Variants in SLC41A3 observed in about 807,000 individuals in gnomAD.
The protein encoded by SLC41A3 is SLC41A1-like 2.
In SLC41A3, 44 loss-of-function variants were observed where a neutral mutation model predicts 45.4. That is an observed-to-expected ratio of 0.97 (90% CI 0.76 to 1.25). The LOEUF (loss-of-function observed/expected upper bound fraction) is 1.25. Among genes scored for constraint, SLC41A3 ranks in the 50% most tolerant of loss-of-function variants. SLC41A3 has a pLI of 0.00. For missense variants in SLC41A3, 550 were observed against 600.6 expected, an observed-to-expected ratio of 0.92 and a Z score of 0.88; for synonymous variants, 256 against 252.4, an observed-to-expected ratio of 1.01 and a Z score of -0.13.
At chr3:126,085,099 A>G (rs1437213359), upstream of SLC41A3, among the ~76,000 whole-genome samples, 1 of 152,184 alleles carries the variant, frequency 6.6e-6, no homozygotes, top group Non-Finnish European at 1.5e-5. Context: ...AACTCAACCA[A>G]TTGTCAACCA....
At chr3:126,066,879 G>C (rs527508358) in intron 2 of SLC41A3, among the ~76,000 whole-genome samples, 86 of 152,276 alleles carry the variant, frequency 5.6e-4, no homozygotes, top group Middle Eastern at 3.4e-3. Flanking sequence ...CTCTCTGGTG[G>C]AGGGCAACCA....
At chr3:126,023,002 C>G in intron 5 of SLC41A3, 70 bp from the exon 6 acceptor site, 1 of 1,593,614 alleles carries the variant, frequency 6.3e-7, no homozygotes, top group Non-Finnish European at 8.6e-7. Context: ...GCAGGCACAG[C>G]AGCACAGGGA....
intron 4 of SLC41A3, 124 bp downstream of exon 4, chr3:126,033,483 G>GCT: frequency 9.8e-7 from 1 of 1,017,142 alleles, no homozygotes; most frequent in Non-Finnish European, 1.5e-6. Context: ...GGGACAGGTA[G>GCT]CTACCTGTTC....
At chr3:126,056,490 G>A (rs1470819420) in intron 2 of SLC41A3, 1 of 1,614,208 alleles carries the variant, frequency 6.2e-7, no homozygotes, top group African/African-American at 1.3e-5. Context: ...TAAGCTCACA[G>A]CTGAAGCCTC....
intron 1 of SLC41A3, among the ~76,000 whole-genome samples, chr3:126,079,769 T>C (rs1945061301): frequency 6.6e-6 from 1 of 152,148 alleles, no homozygotes; most frequent in Non-Finnish European, 1.5e-5. Flanking sequence ...AGACCCCAAA[T>C]AGCCAAAGCA....
At chr3:126,085,865 G>A (rs2108121262), upstream of SLC41A3, among the ~76,000 whole-genome samples, 1 of 152,212 alleles carries the variant, frequency 6.6e-6, no homozygotes, top group Middle Eastern at 3.4e-3. Context: ...GCCCTATGGG[G>A]AAATCCCCAA....
At chr3:126,058,650 T>G (rs148127964) in intron 2 of SLC41A3, among the ~76,000 whole-genome samples, 1 of 152,352 alleles carries the variant, frequency 6.6e-6, no homozygotes, top group Non-Finnish European at 1.5e-5. Flanking sequence ...CTGTGTGCTC[T>G]TCACAGGCAC....
rs750778512 is a variant in SLC41A3 at position 126,006,493 on chromosome 3, G to A, written c.*523C>T. On this transcript the variant is annotated 3_prime_UTR_variant, in exon 11 of 11. Coordinates refer to ENST00000360370, the MANE Select transcript of SLC41A3 (RefSeq NM_017836.4). ...AAATGTTGAGTGCAGATGAAGGGTT[G>A]TATGAGGCCCCATCCTGGGGAGGCT... 6.2e-6 allele frequency: 10 copies of A among 1,614,052 alleles called. No individual in the cohort carries two copies. In the South Asian group the frequency reaches 9.9e-5, roughly 16 times the overall value.
intron 2 of SLC41A3, chr3:126,056,493 G>A (rs754493427): frequency 6.2e-7 from 1 of 1,614,188 alleles, no homozygotes. Context: ...GCTCACAGCT[G>A]AAGCCTCGCA....
At chr3:126,030,255 CAT>C (rs1210890692) in intron 4 of SLC41A3, among the ~76,000 whole-genome samples, 2 of 143,670 alleles carry the variant, frequency 1.4e-5, no homozygotes, top group South Asian at 2.1e-4. Flanking sequence ...AACTTTATAA[CAT>C]ATAATATATA....
At chr3:126,097,533 G>A (rs1277771948) in intron 1 of SLC41A3, among the ~76,000 whole-genome samples, 1 of 152,090 alleles carries the variant, frequency 6.6e-6, no homozygotes, top group African/African-American at 2.4e-5. Flanking sequence ...CAATTGGTTG[G>A]GAGACTTATA....
upstream of SLC41A3, among the ~76,000 whole-genome samples, chr3:126,088,486 T>C (rs534300124): frequency 6.6e-6 from 1 of 152,326 alleles, no homozygotes; most frequent in African/African-American, 2.4e-5. Flanking sequence ...GCATAAAATA[T>C]GTTTTTGGTG....
chr3:126,095,510 C>A (rs1193446773), intron 1 of SLC41A3, among the ~76,000 whole-genome samples: 1 of 152,210 alleles, frequency 6.6e-6, no homozygotes, highest in African/African-American at 2.4e-5. Flanking sequence ...AGGGCTGACA[C>A]AGAGAACAAT....
chr3:126,010,701 C>A (rs1425843267), intron 9 of SLC41A3, among the ~76,000 whole-genome samples: 1 of 152,242 alleles, frequency 6.6e-6, no homozygotes, highest in Non-Finnish European at 1.5e-5. Flanking sequence ...CTACCCAGTG[C>A]TAATGGGGCC....
chr3:126,043,530 A>G (rs1942730057), intron 3 of SLC41A3, among the ~76,000 whole-genome samples: 1 of 152,114 alleles, frequency 6.6e-6, no homozygotes, highest in South Asian at 2.1e-4. Context: ...TTTGTAAAAA[A>G]TTTTATAAGC....
chr3:126,013,900 G>A (rs1939986715), intron 8 of SLC41A3, among the ~76,000 whole-genome samples: 1 of 152,164 alleles, frequency 6.6e-6, no homozygotes, highest in Non-Finnish European at 1.5e-5. Context: ...GAGTCATGAG[G>A]CCCAGAAAAC....
chr3:126,073,618 C>A (rs909084907), intron 1 of SLC41A3, among the ~76,000 whole-genome samples: 2 of 151,958 alleles, frequency 1.3e-5, no homozygotes, highest in African/African-American at 2.4e-5. Context: ...AATTAGAAAA[C>A]CTAGATGAAA....
chr3:126,069,596 A>C (rs939796409), intron 1 of SLC41A3, among the ~76,000 whole-genome samples: 3 of 152,218 alleles, frequency 2.0e-5, no homozygotes, highest in Non-Finnish European at 4.4e-5. Context: ...AGACATGCCA[A>C]GAAATAAGAA....
At chr3:126,033,504 G>T in intron 4 of SLC41A3, 103 bp downstream of exon 4, 1 of 1,274,430 alleles carries the variant, frequency 7.8e-7, no homozygotes, top group Non-Finnish European at 1.1e-6. Flanking sequence ...TCAAAGTTCA[G>T]GCCAGAGTGC....
Sources: allele counts gnomAD v4.1 joint callset (sites outside exome capture counted in the v4.1 genomes callset), GRCh38; gene constraint gnomAD v4.1.1; transcripts MANE v1.5; gene names NCBI Gene and HGNC (gene_info 2026-07-23, HGNC 2026-07-21).